IPO11: variants seen among roughly 807,000 people sequenced by gnomAD.
IPO11 encodes the protein importin-11.
In IPO11, 66 loss-of-function variants were observed where a neutral mutation model predicts 143.2. The observed-to-expected ratio is 0.46, with a 90% CI of 0.38 to 0.57. IPO11 has a LOEUF of 0.57. IPO11 is among the 20% of genes least tolerant of loss of function. The probability of loss-of-function intolerance (pLI) is 0.00; values close to 1 mark genes in which losing one functional copy is unlikely to be tolerated. For missense variants in IPO11, 1,026 were observed against 1,141.0 expected, an observed-to-expected ratio of 0.90 and a Z score of 1.45; for synonymous variants, 385 against 377.8, an observed-to-expected ratio of 1.02 and a Z score of -0.22.
intron 20 of IPO11, among the ~76,000 whole-genome samples, chr5:62,517,272 A>G (rs1742056462): frequency 6.6e-6 from 1 of 152,200 alleles, no homozygotes; most frequent in Non-Finnish European, 1.5e-5. Flanking sequence ...TACCTTATAA[A>G]GATTATGTCC....
At chr5:62,491,572 T>C (rs1746608289) in intron 15 of IPO11, among the ~76,000 whole-genome samples, 1 of 152,184 alleles carries the variant, frequency 6.6e-6, no homozygotes, top group Admixed American at 6.5e-5. Context: ...TTTTAATTAA[T>C]TTAAATTTAA....
chr5:62,451,293 T>C (rs1209063308), intron 4 of IPO11, among the ~76,000 whole-genome samples: 1 of 152,154 alleles, frequency 6.6e-6, no homozygotes, highest in African/African-American at 2.4e-5. Flanking sequence ...TTAAAAATAT[T>C]CGTGTAAAAA....
At chr5:62,545,284 A>G (rs1010873772) in intron 24 of IPO11, among the ~76,000 whole-genome samples, 1 of 152,186 alleles carries the variant, frequency 6.6e-6, no homozygotes, top group Non-Finnish European at 1.5e-5. Context: ...GAGTCCTCAG[A>G]AATAATACCA....
At chr5:62,479,612 T>A (rs2112216266) in intron 9 of IPO11, among the ~76,000 whole-genome samples, 1 of 152,334 alleles carries the variant, frequency 6.6e-6, no homozygotes, top group Admixed American at 6.5e-5. Flanking sequence ...GTTTCCTGAC[T>A]TTTTAATGGT....
intron 29 of IPO11, among the ~76,000 whole-genome samples, 194 bp downstream of exon 29, chr5:62,602,042 C>T (rs1160362347): frequency 6.6e-6 from 1 of 152,104 alleles, no homozygotes; most frequent in African/African-American, 2.4e-5. Flanking sequence ...GTTAACTTTT[C>T]ATCTGAAATA....
intron 29 of IPO11, among the ~76,000 whole-genome samples, chr5:62,614,157 A>G (rs944737246): frequency 6.6e-6 from 1 of 152,248 alleles, no homozygotes; most frequent in African/African-American, 2.4e-5. Flanking sequence ...AGAAAAGGAA[A>G]GCTTTTGGTA....
At chr5:62,488,835 G>A (rs960749141) in intron 13 of IPO11, among the ~76,000 whole-genome samples, 5 of 152,000 alleles carry the variant, frequency 3.3e-5, no homozygotes, top group African/African-American at 1.2e-4. Flanking sequence ...AAAACCTGTC[G>A]CTACAAAAAT....
intron 29 of IPO11, among the ~76,000 whole-genome samples, chr5:62,620,892 G>T (rs1746337076): frequency 6.6e-6 from 1 of 152,342 alleles, no homozygotes; most frequent in African/African-American, 2.4e-5. Flanking sequence ...CATTCAAACG[G>T]ATGGTGGGTG....
At chr5:62,606,083 A>G (rs1580380102) in intron 29 of IPO11, among the ~76,000 whole-genome samples, 1 of 152,034 alleles carries the variant, frequency 6.6e-6, no homozygotes, top group Admixed American at 6.6e-5. Flanking sequence ...TGAAAACTGT[A>G]TGTATCTGTG....
intron 27 of IPO11, chr5:62,576,284 G>T (rs1744311141): frequency 6.5e-6 from 1 of 153,408 alleles, no homozygotes; most frequent in South Asian, 1.9e-4. Flanking sequence ...TTGCCTTTTA[G>T]AAGTCATGTT....
intron 27 of IPO11, chr5:62,581,127 G>A (rs942745188): frequency 1.9e-6 from 3 of 1,549,868 alleles, no homozygotes; most frequent in Non-Finnish European, 2.6e-6. Context: ...AAAACTCAAG[G>A]GAAAATAGAC....
intron 29 of IPO11, among the ~76,000 whole-genome samples, chr5:62,617,187 G>T (rs1746173493): frequency 6.6e-6 from 1 of 152,172 alleles, no homozygotes; most frequent in African/African-American, 2.4e-5. Context: ...TACTTGTTCA[G>T]ATTTCTCAGT....
rs760863501 is a variant in IPO11 at position 62,467,162 on chromosome 5, C to G, written c.548C>G (p.Ser183Cys). 5.6e-6 allele frequency: 9 copies of G among 1,611,006 alleles called. No individual in the cohort carries two copies. The highest frequency in any genetic ancestry group is 7.6e-6 in the Non-Finnish European group (9 of 1,179,332). ...TCTGGAATTTATAATTTTGCCTGCT[C>G]TCTGTGGAATCACCACACAGACACA... ...LASGIYNFAC[S>C]LWNHHTDTFL... The change falls in exon 6 of 30, where the codon TCT becomes TGT. Residue 183 changes from serine to cysteine, a missense_variant. By Grantham distance (112) the Ser-to-Cys change is moderately radical. Transcript: ENST00000325324.
At chr5:62,425,003 C>A (rs1743672841) in intron 1 of IPO11, among the ~76,000 whole-genome samples, 1 of 152,140 alleles carries the variant, frequency 6.6e-6, no homozygotes, top group South Asian at 2.1e-4. Context: ...AGAAGCAGTG[C>A]TGTAAGGAAG....
intron 1 of IPO11, among the ~76,000 whole-genome samples, chr5:62,427,371 C>G (rs1743795208): frequency 6.6e-6 from 1 of 152,206 alleles, no homozygotes; most frequent in Non-Finnish European, 1.5e-5. Context: ...AATAGCTTCT[C>G]TCCTTGATGT....
At chr5:62,522,435 C>T (rs1742233882) in intron 20 of IPO11, among the ~76,000 whole-genome samples, 1 of 152,100 alleles carries the variant, frequency 6.6e-6, no homozygotes, top group South Asian at 2.1e-4. Flanking sequence ...CAGGCATGCA[C>T]CAACATGCCT....
rs552318826 is a variant in IPO11 at position 62,432,518 on chromosome 5, G to C, written c.-6-4756G>C. On this transcript the variant is annotated intron_variant, in intron 1 of 29. Transcript: ENST00000325324. Reference sequence around the variant, plus strand: ...GGAGTAGAGCTTCCTCACATTGTGGGGTAGGGCTGGGTTTGTGGCTCAAAA... The same window carrying C: ...GGAGTAGAGCTTCCTCACATTGTGGCGTAGGGCTGGGTTTGTGGCTCAAAA... Among the ~76,000 whole-genome samples, 3 of 152,320 alleles carry C rather than the reference G, an allele frequency of 2.0e-5. No homozygotes were observed. In the East Asian group the frequency reaches 5.8e-4, roughly 29 times the overall value.
At chr5:62,461,436 A>G (rs1444377733) in intron 5 of IPO11, among the ~76,000 whole-genome samples, 1 of 152,220 alleles carries the variant, frequency 6.6e-6, no homozygotes, top group Non-Finnish European at 1.5e-5. Context: ...CGCAAAGAAC[A>G]GACATTTTGG....
chr5:62,487,664 A>G (rs968215661), intron 12 of IPO11, 107 bp from the exon 13 acceptor site: 4 of 1,174,582 alleles, frequency 3.4e-6, no homozygotes, highest in Non-Finnish European at 4.4e-6. Context: ...AGTTGGAAAC[A>G]TTTTCAAAGT....
Sources: allele counts gnomAD v4.1 joint callset (sites outside exome capture counted in the v4.1 genomes callset), GRCh38; gene constraint gnomAD v4.1.1; transcripts MANE v1.5; gene names NCBI Gene and HGNC (gene_info 2026-07-23, HGNC 2026-07-21).